Variants in CUBN observed in about 807,000 individuals in gnomAD.
CUBN encodes the protein cubilin.
In CUBN, 282 loss-of-function variants were observed where a neutral mutation model predicts 405.3. That is an observed-to-expected ratio of 0.70 (90% CI 0.63 to 0.77). The LOEUF (loss-of-function observed/expected upper bound fraction) is 0.77. CUBN is among the 30% of genes least tolerant of loss of function. The pLI is 0.00. For synonymous variants in CUBN, 1,684 were observed against 1,617.0 expected (o/e 1.04, Z -0.99); for missense variants, 4,514 against 4,475.2 (o/e 1.01, Z -0.25).
At position 17,087,466 on chromosome 10, in the gene CUBN, C is replaced by CTTTTTTTTTTTTTTTTTTTTTT. The variant is rs879308596; in HGVS notation, c.1947+697_1947+698insAAAAAAAAAAAAAAAAAAAAAA. Among the ~76,000 whole-genome samples, 24 of 79,784 alleles carry CTTTTTTTTTTTTTTTTTTTTTT rather than the reference C, an allele frequency of 3.0e-4. 3 individuals carry two copies. Among genetic ancestry groups the CTTTTTTTTTTTTTTTTTTTTTT allele is most frequent in the Non-Finnish European group, 4.6e-4 (20 of 43,630 alleles). The allele number at this position is 79,784 out of a possible 152,430, so 52.3% of individuals were successfully genotyped here. On this transcript the variant is annotated intron_variant, in intron 15 of 66. Coordinates refer to ENST00000377833, the MANE Select transcript of CUBN (RefSeq NM_001081.4). Reference sequence around the variant, plus strand: ...GTTCAACACAATCACTATTATTTTTCTTTTTCTTTTTTTTTTTTTTTTTTT... The same window carrying CTTTTTTTTTTTTTTTTTTTTTT: ...GTTCAACACAATCACTATTATTTTTCTTTTTTTTTTTTTTTTTTTTTTTTTTTCTTTTTTTTTTTTTTTTTTT...
chr10:16,869,717 T>A lies in CUBN; in HGVS notation c.9373A>T (p.Asn3125Tyr), dbSNP rs756429821. 3.7e-6 allele frequency: 6 copies of A among 1,614,010 alleles called. No homozygotes were observed. Among genetic ancestry groups the A allele is most frequent in the Non-Finnish European group, 5.1e-6 (6 of 1,179,996 alleles). ...SKRPPNVKSS[N>Y]NSMLLVFKTD... Reference sequence around the variant, plus strand: ...TTGAACACCAGGAGCATACTATTATTGCTGCTCTTCACATTTGGTGGGCGC... The same window carrying A: ...TTGAACACCAGGAGCATACTATTATAGCTGCTCTTCACATTTGGTGGGCGC... Residue 3125 changes from asparagine (N) to tyrosine (Y), a missense_variant, in exon 59 of 67, where the codon AAT (asparagine) becomes TAT (tyrosine). By Grantham distance (143) the Asn-to-Tyr change is moderately radical. Around this residue, in one of 5 missense-constraint regions of CUBN, gnomAD observed 1,186 missense variants for 1,186.9 expected, o/e 1.00. Coordinates refer to ENST00000377833, the MANE Select transcript of CUBN (RefSeq NM_001081.4).
intron 13 of CUBN, among the ~76,000 whole-genome samples, chr10:17,102,856 G>A (rs1393813712): frequency 1.3e-5 from 2 of 151,874 alleles, no homozygotes; most frequent in Admixed American, 1.3e-4. Context: ...GACCTCAGGT[G>A]ATGCACCCAC....
chr10:16,908,423 G>A (rs900465802), intron 48 of CUBN, among the ~76,000 whole-genome samples: 1 of 152,176 alleles, frequency 6.6e-6, no homozygotes, highest in African/African-American at 2.4e-5. Context: ...GGGATTACTG[G>A]TGTGAGCCAC....
intron 17 of CUBN, among the ~76,000 whole-genome samples, chr10:17,077,587 G>A (rs180950243): frequency 6.6e-6 from 1 of 152,256 alleles, no homozygotes; most frequent in East Asian, 1.9e-4. Context: ...TGGCACTTAC[G>A]CTTAGTCCAT....
intron 14 of CUBN, among the ~76,000 whole-genome samples, chr10:17,097,357 A>C (rs533017930): frequency 6.6e-6 from 1 of 152,130 alleles, no homozygotes; most frequent in African/African-American, 2.4e-5. Context: ...TGAAAAAAGA[A>C]GAAATGTAAA....
rs528259669 is a variant in CUBN, at chr10:17,040,925, C to T, written c.4017+108G>A. The T allele has an allele frequency of 7.6e-4, 757 of 997,616 alleles. 9 individuals carry two copies. The highest frequency in any genetic ancestry group is 6.9e-3 in the South Asian group (525 of 76,422). 61.8% of individuals were successfully genotyped at this position (997,616 alleles called of 1,614,324 possible). Reference sequence around the variant, plus strand: ...ATGGGTGGTTGGTGTGTTATAGATGCGTGGGGCAGAGTTAGGGATTTTATT... The same window carrying T: ...ATGGGTGGTTGGTGTGTTATAGATGTGTGGGGCAGAGTTAGGGATTTTATT... On this transcript the variant is annotated intron_variant, in intron 27 of 66. Coordinates refer to ENST00000377833, the MANE Select transcript of CUBN (RefSeq NM_001081.4).
At chr10:17,089,985 G>A (rs1836216547) in intron 14 of CUBN, among the ~76,000 whole-genome samples, 2 of 152,160 alleles carry the variant, frequency 1.3e-5, no homozygotes, top group South Asian at 4.2e-4. Context: ...GTATGGTGGT[G>A]CGTGTCTGTA....
chr10:16,944,930 T>C lies in CUBN; in HGVS notation c.5342+2305A>G, dbSNP rs550439989. Among the ~76,000 whole-genome samples the C allele has an allele frequency of 9.8e-5, 15 of 152,350 alleles. No homozygotes were observed. In the South Asian group the frequency reaches 3.1e-3, roughly 32 times the overall value. The stretch of plus-strand genomic sequence containing the variant: ...AAGTCACCAAACATTTGCTATGCAC[T>C]AGCTGTGTGGTATGCGTTTTAAATT... On this transcript the variant is annotated intron_variant, in intron 36 of 66. Transcript: ENST00000377833.
chr10:16,990,657 A>AT, intron 28 of CUBN, 142 bp from the exon 29 acceptor site: 4 of 677,506 alleles, frequency 5.9e-6, no homozygotes, highest in Non-Finnish European at 1.0e-5. Flanking sequence ...TAAAGTTATA[A>AT]TTATGCAGTT....
At chr10:16,854,244 T>C (rs1839804674) in intron 59 of CUBN, among the ~76,000 whole-genome samples, 1 of 152,180 alleles carries the variant, frequency 6.6e-6, no homozygotes, top group Non-Finnish European at 1.5e-5. Flanking sequence ...TTACATTATA[T>C]GCATGGGCAA....
intron 28 of CUBN, among the ~76,000 whole-genome samples, chr10:17,011,798 A>T (rs763237529): frequency 5.3e-5 from 8 of 151,996 alleles, no homozygotes; most frequent in Non-Finnish European, 1.0e-4. Flanking sequence ...GTTTTTACAA[A>T]GTGCTGATTG....
At chr10:16,979,324 C>T (rs1019577377) in intron 31 of CUBN, among the ~76,000 whole-genome samples, 7 of 152,062 alleles carry the variant, frequency 4.6e-5, no homozygotes, top group African/African-American at 7.2e-5. Flanking sequence ...ACTTTCTTCA[C>T]GGAATTAGAA....
In CUBN at chr10:16,840,260, C is replaced by T. The variant is rs1839300536; in HGVS notation, c.10032+70G>A. 19 of 1,311,160 alleles carry T rather than the reference C, an allele frequency of 1.4e-5. 1 individual carries two copies. In the South Asian group the frequency reaches 2.0e-4, roughly 14 times the overall value. 81.2% of individuals were successfully genotyped at this position (1,311,160 alleles called of 1,614,324 possible). On this transcript the variant is annotated intron_variant, in intron 62 of 66. Transcript: ENST00000377833. The stretch of plus-strand genomic sequence containing the variant: ...AAATTATTTCATCATGGCTTCATTA[C>T]TTCAAGTGTTTTGCAAATACTGGTG...
intron 11 of CUBN, among the ~76,000 whole-genome samples, chr10:17,104,866 T>G (rs1003327482): frequency 6.0e-5 from 9 of 149,724 alleles, no homozygotes; most frequent in African/African-American, 2.2e-4. Context: ...TGGAGTGCAG[T>G]GGTGCAATCT....
intron 3 of CUBN, 59 bp from the exon 4 acceptor site, chr10:17,126,858 G>T (rs1837203536): frequency 1.9e-6 from 3 of 1,555,424 alleles, no homozygotes; most frequent in Non-Finnish European, 8.9e-7. Context: ...CACATGTGAT[G>T]TTATATCCTT....
intron 43 of CUBN, 129 bp downstream of exon 43, chr10:16,925,112 A>AT: frequency 1.4e-6 from 1 of 691,902 alleles, no homozygotes. Flanking sequence ...TGTATCAAAT[A>AT]TAATAAGTAC....
chr10:16,970,098 A>T (rs1364663942), intron 31 of CUBN, among the ~76,000 whole-genome samples: 1 of 152,020 alleles, frequency 6.6e-6, no homozygotes, highest in East Asian at 1.9e-4. Context: ...GGGGTGGTAC[A>T]CGTCCAGAAA....
chr10:17,101,033 G>A (rs1201857060), intron 13 of CUBN, among the ~76,000 whole-genome samples: 2 of 152,216 alleles, frequency 1.3e-5, no homozygotes, highest in African/African-American at 2.4e-5. Flanking sequence ...GAAGGCTGTC[G>A]AATTTAATTT....
chr10:17,004,229 T>G (rs1237608468), intron 28 of CUBN, among the ~76,000 whole-genome samples: 2 of 152,130 alleles, frequency 1.3e-5, no homozygotes, highest in African/African-American at 4.8e-5. Flanking sequence ...TCTGTTAGTT[T>G]TCTACACCTG....
Sources: allele counts gnomAD v4.1 joint callset (sites outside exome capture counted in the v4.1 genomes callset), GRCh38; gene constraint gnomAD v4.1.1; regional missense constraint gnomAD v4.1.1; transcripts MANE v1.5; gene names NCBI Gene and HGNC (gene_info 2026-07-23, HGNC 2026-07-21).